The following SEL1L3 variants were observed in gnomAD, a reference collection of about 807,000 sequenced individuals.
SEL1L3 encodes protein sel-1 homolog 3.
In SEL1L3, 76 loss-of-function variants were observed where a neutral mutation model predicts 142.8. The observed-to-expected ratio is 0.53, with a 90% CI of 0.44 to 0.64. The LOEUF is 0.64. Ranked by LOEUF, SEL1L3 falls within the 30% of genes least tolerant of loss-of-function variation. The pLI is 0.00. For synonymous variants in SEL1L3, 504 were observed against 519.6 expected (o/e 0.97, Z 0.41); for missense variants, 1,262 against 1,381.7 (o/e 0.91, Z 1.37).
rs73103936 is a variant in SEL1L3 at position 25,780,090 on chromosome 4, T to A, written c.2458-887A>T. On this transcript the variant is annotated intron_variant, in intron 15 of 23. Coordinates refer to ENST00000399878, the MANE Select transcript of SEL1L3 (RefSeq NM_015187.5). ...GCTGCCACAATCTTGTTCCTCCCAA[T>A]AAATGCCACTTCCATTCTTCCAACG... Among the ~76,000 whole-genome samples the A allele has an allele frequency of 4.3e-3, 659 of 152,260 alleles. 5 individuals are homozygous for A. Among genetic ancestry groups the A allele is most frequent in the African/African-American group, 0.015 (639 of 41,556 alleles).
intron 6 of SEL1L3, among the ~76,000 whole-genome samples, chr4:25,828,098 A>G (rs1267320204): frequency 6.6e-6 from 1 of 152,122 alleles, no homozygotes; most frequent in African/African-American, 2.4e-5. Context: ...TCTTGAAGAC[A>G]TGTGCTCTCT....
chr4:25,822,945 G>A (rs1714861838), intron 6 of SEL1L3, among the ~76,000 whole-genome samples: 1 of 152,332 alleles, frequency 6.6e-6, no homozygotes, highest in African/African-American at 2.4e-5. Flanking sequence ...AAAGGAACCT[G>A]GAGGGATCTC....
the SEL1L3 span, among the ~76,000 whole-genome samples, chr4:25,734,041 A>G: frequency 1.3e-5 from 2 of 151,740 alleles, no homozygotes; most frequent in South Asian, 2.1e-4. Context: ...TTTTTTTGAG[A>G]CAGAGTCTCG....
rs117302821 is a variant in SEL1L3 at position 25,811,330 on chromosome 4, G to A, written c.1565-6578C>T. On this transcript the variant is annotated intron_variant, in intron 9 of 23. Transcript: ENST00000399878. ...TGACAGCGGAAAGCTGGCAAACAGC[G>A]TCCTGGTAGACCTGAGAAACAGAAC... Among the ~76,000 whole-genome samples, 16 of 152,318 alleles carry A rather than the reference G, an allele frequency of 1.1e-4. No individual in the cohort carries two copies. In the East Asian group the frequency reaches 2.5e-3, roughly 24 times the overall value.
intron 10 of SEL1L3, among the ~76,000 whole-genome samples, chr4:25,804,021 G>A (rs1713381969): frequency 1.3e-5 from 2 of 152,146 alleles, no homozygotes; most frequent in African/African-American, 4.8e-5. Context: ...TTTCACTGGA[G>A]AACCCTGACT....
chr4:25,800,421 C>T (rs1713096537), intron 11 of SEL1L3, among the ~76,000 whole-genome samples: 1 of 152,182 alleles, frequency 6.6e-6, no homozygotes, highest in Admixed American at 6.5e-5. Flanking sequence ...CTTTTCTATT[C>T]ATCTCCTCTG....
chr4:25,847,219 T>C (rs2109308779), intron 2 of SEL1L3, 75 bp downstream of exon 2: 10 of 1,255,950 alleles, frequency 8.0e-6, no homozygotes, highest in Non-Finnish European at 1.1e-5. Context: ...AGAAGAATTT[T>C]CTCTTGCCAT....
At chr4:25,746,893 T>G (rs1717287011), downstream of SEL1L3, among the ~76,000 whole-genome samples, 1 of 152,070 alleles carries the variant, frequency 6.6e-6, no homozygotes, top group Admixed American at 6.6e-5. Context: ...TCCTGTAGGC[T>G]TTACATATAT....
At chr4:25,781,723 A>C (rs1367843377) in intron 15 of SEL1L3, among the ~76,000 whole-genome samples, 2 of 152,152 alleles carry the variant, frequency 1.3e-5, no homozygotes, top group East Asian at 3.9e-4. Flanking sequence ...ATTAATAGCT[A>C]TTTCAGAGGA....
chr4:25,863,310 C>T (rs1042573322), upstream of SEL1L3: 3 of 446,454 alleles, frequency 6.7e-6, no homozygotes, highest in Non-Finnish European at 8.1e-6. Flanking sequence ...CCCTCCGGCT[C>T]CCTCTTCCTT....
the SEL1L3 span, among the ~76,000 whole-genome samples, chr4:25,714,357 CTCATA>C: frequency 0.035 from 5,387 of 152,140 alleles, 287 homozygotes; most frequent in African/African-American, 0.12. Context: ...GAAATAGAGC[CTCATA>C]TACATTGCAA....
intron 19 of SEL1L3, among the ~76,000 whole-genome samples, chr4:25,766,168 G>A (rs1335140191): frequency 6.6e-6 from 1 of 152,122 alleles, no homozygotes; most frequent in Non-Finnish European, 1.5e-5. Context: ...GCTGAGTGCC[G>A]TAGCTCACAC....
In SEL1L3 at chr4:25,835,175, C is replaced by G. The variant is rs201750744; in HGVS notation, c.860+22G>C. ...TAAAACAAGCACCGCCCGATCAGCTCCCTTCTGCTACCCATCCTTACACTG... is the reference window on the plus strand; with the variant it reads ...TAAAACAAGCACCGCCCGATCAGCTGCCTTCTGCTACCCATCCTTACACTG... On this transcript the variant is annotated intron_variant, in intron 3 of 23. Coordinates refer to ENST00000399878, the MANE Select transcript of SEL1L3 (RefSeq NM_015187.5). 1,089 of 1,613,568 alleles carry G rather than the reference C, an allele frequency of 6.7e-4. 1 individual carries two copies. Among genetic ancestry groups the G allele is most frequent in the Non-Finnish European group, 8.9e-4 (1,044 of 1,179,646 alleles).
chr4:25,730,716 G>C, the SEL1L3 span, among the ~76,000 whole-genome samples: 1 of 152,136 alleles, frequency 6.6e-6, no homozygotes, highest in African/African-American at 2.4e-5. Flanking sequence ...CCCCACTTCC[G>C]GCTTTCATGG....
chr4:25,800,939 C>T (rs1408385844), intron 11 of SEL1L3, among the ~76,000 whole-genome samples: 1 of 152,192 alleles, frequency 6.6e-6, no homozygotes, highest in Non-Finnish European at 1.5e-5. Flanking sequence ...CCAACCATTC[C>T]CAAACATCAA....
the SEL1L3 span, among the ~76,000 whole-genome samples, chr4:25,740,081 T>C: frequency 6.6e-6 from 1 of 151,666 alleles, no homozygotes; most frequent in Non-Finnish European, 1.5e-5. Flanking sequence ...ATTACAGGCG[T>C]GAGCCACCAA....
intron 17 of SEL1L3, among the ~76,000 whole-genome samples, chr4:25,769,898 C>T (rs924847613): frequency 2.2e-4 from 34 of 152,124 alleles, no homozygotes; most frequent in Non-Finnish European, 2.9e-4. Flanking sequence ...GAGGGTGAGG[C>T]GGGAAGATCG....
At chr4:25,831,988 T>C (rs1319791958) in intron 5 of SEL1L3, among the ~76,000 whole-genome samples, 3 of 152,248 alleles carry the variant, frequency 2.0e-5, no homozygotes, top group African/African-American at 7.2e-5. Flanking sequence ...AGCACTGAGC[T>C]GACCTTCTCC....
At chr4:25,845,982 C>T (rs920429331) in intron 2 of SEL1L3, among the ~76,000 whole-genome samples, 4 of 152,170 alleles carry the variant, frequency 2.6e-5, no homozygotes, top group South Asian at 2.1e-4. Flanking sequence ...CCCCCACCCC[C>T]GCAGATCCTG....
Sources: allele counts gnomAD v4.1 joint callset (sites outside exome capture counted in the v4.1 genomes callset), GRCh38; gene constraint gnomAD v4.1.1; transcripts MANE v1.5; gene names NCBI Gene and HGNC (gene_info 2026-07-23, HGNC 2026-07-21).